The following ZNF724 variants were observed in gnomAD, a reference collection of about 807,000 sequenced individuals.
The protein encoded by ZNF724 is zinc finger protein 724.
A neutral mutation model predicts 29.3 loss-of-function variants in ZNF724; 14 were observed. The ratio of observed to expected loss-of-function variants is 0.48; its 90% CI spans 0.32 to 0.75. ZNF724 has a LOEUF of 0.75. Ranked by LOEUF, ZNF724 falls within the 30% of genes least tolerant of loss-of-function variation. The probability of loss-of-function intolerance (pLI) is 0.04; values close to 1 mark genes in which losing one functional copy is unlikely to be tolerated. For missense variants in ZNF724, 557 were observed against 571.2 expected, an observed-to-expected ratio of 0.98 and a Z score of 0.25; for synonymous variants, 180 against 193.6, an observed-to-expected ratio of 0.93 and a Z score of 0.58.
chr19:23,223,137 C>G lies in ZNF724; in HGVS notation c.1108G>C (p.Glu370Gln). The G allele has an allele frequency of 7.8e-7, 1 of 1,287,084 alleles. No homozygotes were observed. The highest frequency in any genetic ancestry group is 1.1e-6 in the Non-Finnish European group (1 of 883,196). The allele number at this position is 1,287,084 out of a possible 1,614,324, so 79.7% of individuals were successfully genotyped here. A position where few individuals can be genotyped will look rare whatever the true frequency, so the allele number is the denominator to read the frequency against. ...HTGEKPYKCE[E>Q]CGKAFNVSST... ...GACACGTTAAAGGCTTTGCCACACT[C>G]TTCACATTTGTAAGGTTTCTCTCCA... Residue 370 changes from glutamate to glutamine, a missense_variant, in exon 4 of 4, where the codon GAG becomes CAG. Around this residue, in one of 3 missense-constraint regions of ZNF724, gnomAD observed 362 missense variants for 295.5 expected, o/e 1.22. Coordinates refer to ENST00000418100, the MANE Select transcript of ZNF724 (RefSeq NM_001355404.2).
intron 3 of ZNF724, among the ~76,000 whole-genome samples, chr19:23,230,077 T>C (rs999252346): frequency 1.3e-4 from 20 of 152,132 alleles, no homozygotes; most frequent in African/African-American, 4.8e-4. Flanking sequence ...ATTTATAAGA[T>C]ACGGTTCCAT....
At chr19:23,249,399 C>G (rs1972308336) in intron 1 of ZNF724, among the ~76,000 whole-genome samples, 1 of 125,722 alleles carries the variant, frequency 8.0e-6, no homozygotes, top group African/African-American at 2.6e-5. Context: ...CGCCACTATG[C>G]CCGGCTTTTT....
rs376930797 is a variant in ZNF724 at position 23,232,503 on chromosome 19, T to C, written c.4-210A>G. Reference sequence around the variant, plus strand: ...TAGAATAAGATCCACAACATCAATTTATATATGATACTTTTCTGGATAATA... The same window carrying C: ...TAGAATAAGATCCACAACATCAATTCATATATGATACTTTTCTGGATAATA... On this transcript the variant is annotated intron_variant, in intron 1 of 3. Coordinates refer to ENST00000418100, the MANE Select transcript of ZNF724 (RefSeq NM_001355404.2). Among the ~76,000 whole-genome samples, 212 of 152,308 alleles carry C rather than the reference T, an allele frequency of 1.4e-3. 1 individual carries two copies. The Middle Eastern group carries it at 0.017, about 12-fold the overall frequency.
rs2145769553 is a variant in ZNF724 at position 23,223,876 on chromosome 19, G to A, written c.369C>T (p.Tyr123=). ...CATTATAACTTCCTTTGTGCACCTT[G>A]TACTCATCCACACTTTTATAGCCTT... The part of the protein sequence containing the change: ...LKKGYKSVDE[Y]KVHKGSYNGF... Residue 123 remains tyrosine, a synonymous_variant, in exon 4 of 4, where the codon TAC becomes TAT. Coordinates refer to ENST00000418100, the MANE Select transcript of ZNF724 (RefSeq NM_001355404.2). 1.3e-6 allele frequency: 1 copy of A among 779,048 alleles called. No homozygotes were observed. Among genetic ancestry groups the A allele is most frequent in the African/African-American group, 1.7e-5 (1 of 59,208 alleles). The allele number at this position is 779,048 out of a possible 1,614,324, so 48.3% of individuals were successfully genotyped here.
intron 3 of ZNF724, among the ~76,000 whole-genome samples, chr19:23,226,739 T>A (rs1971834806): frequency 6.6e-6 from 1 of 152,074 alleles, no homozygotes; most frequent in Non-Finnish European, 1.5e-5. Context: ...ATATACAAGA[T>A]AGGCCATAAC....
At chr19:23,226,287 G>A (rs1360932488) in intron 3 of ZNF724, among the ~76,000 whole-genome samples, 2 of 152,000 alleles carry the variant, frequency 1.3e-5, no homozygotes, top group African/African-American at 4.8e-5. Flanking sequence ...TCCTGACCTC[G>A]TGATCTGCCC....
At chr19:23,243,092 A>C (rs2145792677) in intron 1 of ZNF724, among the ~76,000 whole-genome samples, 1 of 151,712 alleles carries the variant, frequency 6.6e-6, no homozygotes. Context: ...TAATATGTAA[A>C]TATCATGGAA....
At chr19:23,235,673 C>T (rs1216400949) in intron 1 of ZNF724, among the ~76,000 whole-genome samples, 3 of 152,122 alleles carry the variant, frequency 2.0e-5, no homozygotes, top group Admixed American at 2.0e-4. Context: ...CTGATTGCTA[C>T]CCTGTGAAGT....
At chr19:23,226,330 C>T (rs533232563) in intron 3 of ZNF724, among the ~76,000 whole-genome samples, 2 of 152,192 alleles carry the variant, frequency 1.3e-5, no homozygotes, top group South Asian at 4.2e-4. Context: ...GGATTACAGG[C>T]GTGAGCCACC....
At chr19:23,249,651 G>A (rs1458929868) in intron 1 of ZNF724, among the ~76,000 whole-genome samples, 2 of 151,864 alleles carry the variant, frequency 1.3e-5, no homozygotes, top group Admixed American at 6.6e-5. Flanking sequence ...CGCCCACCTC[G>A]GCCTCCCAAA....
At chr19:23,224,760 C>G (rs1971794843) in intron 3 of ZNF724, among the ~76,000 whole-genome samples, 1 of 151,866 alleles carries the variant, frequency 6.6e-6, no homozygotes, top group South Asian at 2.1e-4. Context: ...TTTGGAACCA[C>G]CCCGGCCAAT....
intron 1 of ZNF724, among the ~76,000 whole-genome samples, chr19:23,247,061 A>C (rs946680042): frequency 1.3e-5 from 2 of 152,108 alleles, no homozygotes; most frequent in African/African-American, 2.4e-5. Context: ...CGTGTCTACT[A>C]AAAATACAAA....
At chr19:23,245,438 C>A (rs993736692) in intron 1 of ZNF724, among the ~76,000 whole-genome samples, 1 of 152,064 alleles carries the variant, frequency 6.6e-6, no homozygotes, top group African/African-American at 2.4e-5. Context: ...ATGGGGAAAC[C>A]CCATCTCTAT....
intron 1 of ZNF724, among the ~76,000 whole-genome samples, chr19:23,247,691 C>A (rs141660818): frequency 1.9e-3 from 291 of 152,224 alleles, no homozygotes; most frequent in African/African-American, 6.7e-3. Flanking sequence ...AATTTTTTTT[C>A]ACAAATCTTG....
intron 1 of ZNF724, among the ~76,000 whole-genome samples, chr19:23,247,179 T>C (rs1321926088): frequency 6.6e-6 from 1 of 151,966 alleles, no homozygotes; most frequent in East Asian, 1.9e-4. Flanking sequence ...GCTGAGAACA[T>C]GCCACTGCAC....
chr19:23,223,595 T>A lies in ZNF724; in HGVS notation c.650A>T (p.Lys217Met). Reference sequence around the variant, plus strand: ...GTGTTTTTGTCCTGTATGAATTCTCTTATGTTGAGAAAGGGTTGAGGACAC... The same window carrying A: ...GTGTTTTTGTCCTGTATGAATTCTCATATGTTGAGAAAGGGTTGAGGACAC... ...FNVSSTLSQH[K>M]RIHTGQKHYK... Residue 217 changes from lysine to methionine, a missense_variant, in exon 4 of 4, where the codon AAG becomes ATG. Lys to Met is a moderately conservative substitution (Grantham distance 95, BLOSUM62 -1). Around this residue, in one of 3 missense-constraint regions of ZNF724, gnomAD observed 362 missense variants for 295.5 expected, o/e 1.22. Coordinates refer to ENST00000418100, the MANE Select transcript of ZNF724 (RefSeq NM_001355404.2). The A allele has an allele frequency of 2.8e-6, 2 of 717,740 alleles. No individual in the cohort carries two copies. The highest frequency in any genetic ancestry group is 5.2e-6 in the Non-Finnish European group (2 of 387,308). The allele number at this position is 717,740 out of a possible 1,614,324, so 44.5% of individuals were successfully genotyped here. A position where few individuals can be genotyped will look rare whatever the true frequency, so the allele number is the denominator to read the frequency against.
chr19:23,232,077 T>C, intron 2 of ZNF724, 90 bp downstream of exon 2: 2 of 1,063,486 alleles, frequency 1.9e-6, no homozygotes, highest in South Asian at 2.6e-5. Flanking sequence ...TACTCATTTA[T>C]GCAAAGATCA....
rs1317430200 is a variant in ZNF724 at position 23,222,756 on chromosome 19, T to G, written c.1489A>C (p.Lys497Gln). The change falls in exon 4 of 4, where the codon AAG becomes CAG. Residue 497 changes from lysine (K) to glutamine (Q), a missense_variant. Transcript: ENST00000418100. ...FNLSSHLTTHKKIHTGEKPYK... is the reference protein window; with the variant it reads ...FNLSSHLTTHQKIHTGEKPYK... ...GGTTTCTCTCCAGTATGAATTTTCT[T>G]ATGTGTTGTAAGGTGTGAGGATAGG... 3 of 1,406,892 alleles carry G rather than the reference T, an allele frequency of 2.1e-6. No homozygotes were observed. The highest frequency in any genetic ancestry group is 4.7e-5 in the East Asian group (2 of 42,524). The allele number at this position is 1,406,892 out of a possible 1,614,324, so 87.2% of individuals were successfully genotyped here.
intron 3 of ZNF724, among the ~76,000 whole-genome samples, chr19:23,228,488 A>C (rs1051460946): frequency 4.0e-5 from 6 of 150,224 alleles, no homozygotes; most frequent in Non-Finnish European, 7.4e-5. Flanking sequence ...GCAGTGGCTT[A>C]TGCCTGTAAT....
Sources: allele counts gnomAD v4.1 joint callset (sites outside exome capture counted in the v4.1 genomes callset), GRCh38; gene constraint gnomAD v4.1.1; regional missense constraint gnomAD v4.1.1; transcripts MANE v1.5; gene names NCBI Gene and HGNC (gene_info 2026-07-23, HGNC 2026-07-21).